PEAK1: variants seen among roughly 807,000 people sequenced by gnomAD.
PEAK1 encodes inactive tyrosine-protein kinase PEAK1.
PEAK1 carries 54 observed loss-of-function variants against 124.7 expected under a neutral mutation model. The observed-to-expected ratio is 0.43, with a 90% CI of 0.35 to 0.54. PEAK1 has a LOEUF of 0.54. Ranked by LOEUF, PEAK1 falls within the 20% of genes least tolerant of loss-of-function variation. PEAK1 has a pLI of 0.01. For synonymous variants in PEAK1, 719 were observed against 760.0 expected (o/e 0.95, Z 0.89); for missense variants, 2,046 against 2,134.5 (o/e 0.96, Z 0.82).
intron 6 of PEAK1, among the ~76,000 whole-genome samples, chr15:77,202,797 GA>G (rs1244928572): frequency 6.6e-6 from 1 of 151,478 alleles, no homozygotes; most frequent in Non-Finnish European, 1.5e-5. Context: ...TCATCTTTGG[GA>G]GGCCGAGGTG....
At chr15:77,150,195 C>CA (rs1026174178) in intron 8 of PEAK1, among the ~76,000 whole-genome samples, 5 of 151,888 alleles carry the variant, frequency 3.3e-5, no homozygotes, top group Non-Finnish European at 5.9e-5. Context: ...TACATGACTT[C>CA]TTTTTTTAAA....
intron 1 of PEAK1, among the ~76,000 whole-genome samples, chr15:77,408,062 TAC>T (rs2072030466): frequency 7.8e-6 from 1 of 127,456 alleles, no homozygotes; most frequent in Non-Finnish European, 1.8e-5. Context: ...CATGCATAGA[TAC>T]ACATATATAC....
chr15:77,262,936 A>C (rs1240431935), intron 5 of PEAK1, among the ~76,000 whole-genome samples: 1 of 152,238 alleles, frequency 6.6e-6, no homozygotes, highest in Non-Finnish European at 1.5e-5. Context: ...ACTAGAACTC[A>C]GGATTAAGAA....
intron 2 of PEAK1, among the ~76,000 whole-genome samples, chr15:77,296,494 A>AGAT (rs1411122141): frequency 6.6e-6 from 1 of 151,558 alleles, no homozygotes; most frequent in Non-Finnish European, 1.5e-5. Context: ...GGCATCTGTA[A>AGAT]TCCCAGCTAC....
intron 6 of PEAK1, among the ~76,000 whole-genome samples, chr15:77,203,310 A>C (rs1253539004): frequency 6.6e-6 from 1 of 152,212 alleles, no homozygotes; most frequent in East Asian, 1.9e-4. Flanking sequence ...GGTATTGTTC[A>C]ATAGTCAATA....
At chr15:77,314,987 A>G (rs1447852709) in intron 2 of PEAK1, among the ~76,000 whole-genome samples, 1 of 152,080 alleles carries the variant, frequency 6.6e-6, no homozygotes, top group Non-Finnish European at 1.5e-5. Flanking sequence ...CCGTACCCCA[A>G]ACCTCAGCAT....
intron 6 of PEAK1, among the ~76,000 whole-genome samples, chr15:77,197,351 G>A (rs1414863645): frequency 2.0e-5 from 3 of 152,064 alleles, no homozygotes; most frequent in African/African-American, 4.8e-5. Flanking sequence ...TTGGGATCTT[G>A]CCTAAAAACA....
chr15:77,319,025 C>G (rs1248087806), intron 2 of PEAK1, among the ~76,000 whole-genome samples: 1 of 152,114 alleles, frequency 6.6e-6, no homozygotes, highest in Admixed American at 6.6e-5. Context: ...GCACTAGAAC[C>G]AAGAAGACAA....
At chr15:77,397,696 T>C (rs1451221928) in intron 1 of PEAK1, among the ~76,000 whole-genome samples, 1 of 151,986 alleles carries the variant, frequency 6.6e-6, no homozygotes, top group Admixed American at 6.6e-5. Flanking sequence ...AAGGACAAAT[T>C]CCAACACACA....
At chr15:77,418,831 A>G (rs962426405) in intron 1 of PEAK1, 11 of 985,116 alleles carry the variant, frequency 1.1e-5, no homozygotes, top group Non-Finnish European at 1.3e-5. Flanking sequence ...TATCGGGGGA[A>G]AAAAAAAGAC....
chr15:77,347,464 T>C lies in PEAK1; in HGVS notation c.-603+17699A>G, dbSNP rs1021355764. ...AATATTGTTCTAGATAAGATCAACA[T>C]CTAGGGCTGGCACACCTGGACAAGG... is the stretch of plus-strand genomic sequence containing the variant. On this transcript the variant is annotated intron_variant, in intron 2 of 9. Coordinates refer to ENST00000682557, the MANE Select transcript of PEAK1 (RefSeq NM_001385026.1). 36 of 985,220 alleles carry C rather than the reference T, an allele frequency of 3.7e-5. No individual in the cohort carries two copies. In the African/African-American group the frequency reaches 5.2e-4, roughly 14 times the overall value. 61.0% of individuals were successfully genotyped at this position (985,220 alleles called of 1,614,324 possible).
At chr15:77,154,196 T>C (rs1239453150) in intron 8 of PEAK1, among the ~76,000 whole-genome samples, 1 of 152,248 alleles carries the variant, frequency 6.6e-6, no homozygotes, top group Non-Finnish European at 1.5e-5. Flanking sequence ...ATATTTAGGA[T>C]AGTTAGTTCT....
At chr15:77,284,797 C>T (rs1158991251) in intron 4 of PEAK1, among the ~76,000 whole-genome samples, 161 bp downstream of exon 4, 1 of 151,876 alleles carries the variant, frequency 6.6e-6, no homozygotes, top group Non-Finnish European at 1.5e-5. Flanking sequence ...AGTCTGTAAT[C>T]CCAGTACTTT....
chr15:77,259,874 T>C (rs1221476148), intron 5 of PEAK1, among the ~76,000 whole-genome samples: 3 of 152,052 alleles, frequency 2.0e-5, no homozygotes, highest in Non-Finnish European at 4.4e-5. Flanking sequence ...TAGAAAAAAG[T>C]GCAAGGAGGC....
chr15:77,380,510 A>T (rs1303502359), intron 1 of PEAK1, among the ~76,000 whole-genome samples: 1 of 151,990 alleles, frequency 6.6e-6, no homozygotes, highest in Non-Finnish European at 1.5e-5. Context: ...ACAGGTTCTT[A>T]CTCTGCTACC....
chr15:77,131,906 C>T (rs2052894192), intron 9 of PEAK1, among the ~76,000 whole-genome samples: 1 of 151,864 alleles, frequency 6.6e-6, no homozygotes, highest in Admixed American at 6.5e-5. Context: ...AGTGAGACCA[C>T]CACCTCTACC....
chr15:77,368,214 T>C (rs1183466126), intron 1 of PEAK1, among the ~76,000 whole-genome samples: 1 of 152,114 alleles, frequency 6.6e-6, no homozygotes, highest in East Asian at 1.9e-4. Flanking sequence ...ATTTATTTAC[T>C]TAAAAAATTA....
At chr15:77,326,450 G>A (rs759282667) in intron 2 of PEAK1, among the ~76,000 whole-genome samples, 8 of 152,164 alleles carry the variant, frequency 5.3e-5, no homozygotes, top group Non-Finnish European at 8.8e-5. Flanking sequence ...TAAAACATTC[G>A]TAAGAATGAG....
intron 5 of PEAK1, among the ~76,000 whole-genome samples, chr15:77,269,625 A>G (rs2152952891): frequency 6.6e-6 from 1 of 152,302 alleles, no homozygotes; most frequent in South Asian, 2.1e-4. Context: ...CAAAAAGTCA[A>G]CAAAGAAACA....
Sources: gnomAD v4.1 joint callset for allele counts (sites outside exome capture counted in the v4.1 genomes callset) on GRCh38, gnomAD v4.1.1 for gene constraint, MANE v1.5 for transcripts, NCBI Gene and HGNC (gene_info 2026-07-23, HGNC 2026-07-21) for gene names.